Variants in CEP128 observed in about 807,000 individuals in gnomAD.
CEP128 encodes the protein centrosomal protein 128.
Under a neutral mutation model 156.7 loss-of-function variants are expected in CEP128, and 132 were observed. The observed-to-expected ratio is 0.84, with a 90% confidence interval of 0.73 to 0.97. CEP128 has a LOEUF of 0.97. Among genes scored for constraint, CEP128 ranks in the 50% least tolerant of loss-of-function variants. The probability of loss-of-function intolerance (pLI) is 0.00; values close to 1 mark genes in which losing one functional copy is unlikely to be tolerated. For missense variants in CEP128, 1,252 were observed against 1,281.9 expected, an observed-to-expected ratio of 0.98 and a Z score of 0.36; for synonymous variants, 469 against 448.9, an observed-to-expected ratio of 1.04 and a Z score of -0.57.
At chr14:80,899,287 T>C (rs1325221262) in intron 7 of CEP128, among the ~76,000 whole-genome samples, 1 of 152,250 alleles carries the variant, frequency 6.6e-6, no homozygotes, top group Non-Finnish European at 1.5e-5. Context: ...AGCTTTATTG[T>C]TCCTAATATT....
chr14:80,615,287 C>G (rs1297618801), intron 19 of CEP128, among the ~76,000 whole-genome samples: 1 of 152,132 alleles, frequency 6.6e-6, no homozygotes, highest in Admixed American at 6.5e-5. Flanking sequence ...GAGAGCTTGG[C>G]ATTAATATCC....
At chr14:80,948,328 G>A (rs1886390955) in intron 2 of CEP128, among the ~76,000 whole-genome samples, 1 of 152,152 alleles carries the variant, frequency 6.6e-6, no homozygotes. Context: ...TCATTGTGCT[G>A]AAGCCCTGCT....
chr14:80,509,306 T>A (rs1382599205), intron 23 of CEP128, among the ~76,000 whole-genome samples: 1 of 152,224 alleles, frequency 6.6e-6, no homozygotes, highest in Non-Finnish European at 1.5e-5. Flanking sequence ...CTTGCTAGCA[T>A]TTGTTATTGC....
chr14:80,856,440 T>C (rs1309647129), intron 9 of CEP128, among the ~76,000 whole-genome samples: 1 of 151,908 alleles, frequency 6.6e-6, no homozygotes, highest in Non-Finnish European at 1.5e-5. Context: ...GAGTCCAGAG[T>C]CTGAGACCAC....
At chr14:80,761,201 CTT>C (rs1326192702) in intron 17 of CEP128, among the ~76,000 whole-genome samples, 58 of 137,838 alleles carry the variant, frequency 4.2e-4, no homozygotes, top group Admixed American at 5.1e-4. Flanking sequence ...TAAGATTTTT[CTT>C]TTTTTTTTTT....
At chr14:80,780,361 G>C (rs948627589) in intron 15 of CEP128, among the ~76,000 whole-genome samples, 3 of 152,010 alleles carry the variant, frequency 2.0e-5, no homozygotes, top group Non-Finnish European at 4.4e-5. Flanking sequence ...AAAAAGTATG[G>C]ATATATTAAT....
At chr14:80,492,211 G>T (rs1168855990), downstream of CEP128, among the ~76,000 whole-genome samples, 1 of 152,190 alleles carries the variant, frequency 6.6e-6, no homozygotes, top group Non-Finnish European at 1.5e-5. Flanking sequence ...AAGGTGATAT[G>T]AATAGGTTCT....
At chr14:80,511,608 T>A (rs1405627923) in intron 23 of CEP128, among the ~76,000 whole-genome samples, 1 of 152,042 alleles carries the variant, frequency 6.6e-6, no homozygotes. Flanking sequence ...TCTACTCTGA[T>A]CTTCATTATT....
intron 19 of CEP128, among the ~76,000 whole-genome samples, chr14:80,581,849 G>A (rs1451804189): frequency 6.6e-6 from 1 of 152,172 alleles, no homozygotes; most frequent in Non-Finnish European, 1.5e-5. Context: ...TCACTCATTT[G>A]CATTGTGGCA....
intron 2 of CEP128, among the ~76,000 whole-genome samples, chr14:80,926,883 C>T (rs1885180004): frequency 6.6e-6 from 1 of 152,190 alleles, no homozygotes; most frequent in African/African-American, 2.4e-5. Context: ...CAGTACATTA[C>T]TACTACAGCT....
chr14:80,914,444 A>G (rs1416858539), intron 3 of CEP128, 36 bp from the exon 4 acceptor site: 7 of 1,511,692 alleles, frequency 4.6e-6, no homozygotes, highest in Middle Eastern at 1.7e-4. Flanking sequence ...AATTATTCCA[A>G]ATACTTTTTT....
chr14:80,662,669 T>C (rs1344290237), intron 19 of CEP128, among the ~76,000 whole-genome samples: 1 of 152,162 alleles, frequency 6.6e-6, no homozygotes, highest in African/African-American at 2.4e-5. Flanking sequence ...TTTCCATACA[T>C]AATAATTAGA....
chr14:80,603,262 T>C (rs1181283965), intron 19 of CEP128, among the ~76,000 whole-genome samples: 1 of 152,198 alleles, frequency 6.6e-6, no homozygotes, highest in Non-Finnish European at 1.5e-5. Context: ...CCATACTATA[T>C]TGTATCATTT....
chr14:80,521,396 A>T (rs1888739848), intron 23 of CEP128, among the ~76,000 whole-genome samples: 1 of 152,148 alleles, frequency 6.6e-6, no homozygotes, highest in South Asian at 2.1e-4. Context: ...GTGCAGCTCT[A>T]ATAGGTTAAA....
At chr14:80,599,418 AC>A (rs1262706680) in intron 19 of CEP128, among the ~76,000 whole-genome samples, 3 of 151,578 alleles carry the variant, frequency 2.0e-5, no homozygotes, top group African/African-American at 7.3e-5. Context: ...GATGACAGGC[AC>A]CCGCCACCAC....
chr14:80,582,256 C>T (rs1009711156), intron 19 of CEP128, among the ~76,000 whole-genome samples: 3 of 152,230 alleles, frequency 2.0e-5, no homozygotes, highest in Non-Finnish European at 4.4e-5. Context: ...CTCCAATTCA[C>T]AGAACCAGGA....
chr14:80,876,203 C>T (rs1224227992), intron 8 of CEP128, among the ~76,000 whole-genome samples: 2 of 151,840 alleles, frequency 1.3e-5, no homozygotes, highest in Non-Finnish European at 2.9e-5. Context: ...CACACACATG[C>T]ACACACAACT....
intron 19 of CEP128, among the ~76,000 whole-genome samples, chr14:80,659,870 A>G (rs1358709880): frequency 6.6e-6 from 1 of 152,198 alleles, no homozygotes; most frequent in African/African-American, 2.4e-5. Flanking sequence ...TTTCTCAATT[A>G]TCATGACGGA....
intron 4 of CEP128, 47 bp from the exon 5 acceptor site, chr14:80,906,128 C>T (rs1222843848): frequency 7.3e-7 from 1 of 1,375,080 alleles, no homozygotes; most frequent in Non-Finnish European, 9.7e-7. Flanking sequence ...TCTTAAACAA[C>T]TTCCAAATAC....
Sources: gnomAD v4.1 joint callset for allele counts (sites outside exome capture counted in the v4.1 genomes callset) on GRCh38, gnomAD v4.1.1 for gene constraint, MANE v1.5 for transcripts, NCBI Gene and HGNC (gene_info 2026-07-23, HGNC 2026-07-21) for gene names.